FBXO44: variants seen among roughly 807,000 people sequenced by gnomAD.
The protein encoded by FBXO44 is F-box only protein 44.
A neutral mutation model predicts 33.5 loss-of-function variants in FBXO44; 25 were observed. That is an observed-to-expected ratio of 0.75 (90% CI 0.54 to 1.04). The LOEUF is 1.04. Ranked by LOEUF, FBXO44 falls within the 50% of genes least tolerant of loss-of-function variation. The probability of loss-of-function intolerance (pLI) is 0.00; values close to 1 mark genes in which losing one functional copy is unlikely to be tolerated. For missense variants in FBXO44, 311 were observed against 344.0 expected, an observed-to-expected ratio of 0.90 and a Z score of 0.76; for synonymous variants, 147 against 152.8, an observed-to-expected ratio of 0.96 and a Z score of 0.28.
intron 5 of FBXO44, among the ~76,000 whole-genome samples, chr1:11,659,495 T>C (rs1487805002): frequency 6.6e-6 from 1 of 152,208 alleles, no homozygotes; most frequent in African/African-American, 2.4e-5. Context: ...TGTTTGTTTG[T>C]TTGTTTGTTT....
rs770061458 is a variant in FBXO44 at position 11,655,905 on chromosome 1, C to A, written c.70C>A (p.Arg24Ser). The A allele has an allele frequency of 1.6e-5, 26 of 1,613,810 alleles. No homozygotes were observed. In the East Asian group the frequency reaches 5.8e-4, roughly 36 times the overall value. The change falls in exon 2 of 6, where the codon CGC becomes AGC. Residue 24 changes from arginine (R) to serine (S), a missense_variant. Coordinates refer to ENST00000251547, the MANE Select transcript of FBXO44 (RefSeq NM_033182.7). The part of the protein sequence containing the change: ...LLELFTHVPA[R>S]QLLLNCRLVC... ...GGAGCTGTTCACGCACGTGCCCGCC[C>A]GCCAGCTGCTGCTGAACTGCCGCCT...
At chr1:11,657,507 A>G (rs1639885354) in intron 2 of FBXO44, among the ~76,000 whole-genome samples, 1 of 152,212 alleles carries the variant, frequency 6.6e-6, no homozygotes, top group Non-Finnish European at 1.5e-5. Flanking sequence ...TGGGAGGCCA[A>G]GGTGGGTGGA....
chr1:11,655,745 C>T, intron 1 of FBXO44, 61 bp from the exon 2 acceptor site: 1 of 1,528,366 alleles, frequency 6.5e-7, no homozygotes, highest in Non-Finnish European at 8.9e-7. Flanking sequence ...GGAGAGGCAC[C>T]ATGCTCTCCC....
chr1:11,654,665 G>T (rs1449132916), upstream of FBXO44: 1 of 279,902 alleles, frequency 3.6e-6, no homozygotes, highest in African/African-American at 2.2e-5. Context: ...GCTGGGAGGA[G>T]GCGGCTAGGG....
intron 5 of FBXO44, among the ~76,000 whole-genome samples, chr1:11,660,709 T>C (rs546796543): frequency 7.9e-5 from 12 of 152,272 alleles, no homozygotes; most frequent in Admixed American, 5.9e-4. Flanking sequence ...ACTCAGCCCC[T>C]TCCTTGTTCC....
rs1640238209 is a variant in FBXO44, at chr1:11,662,383, G to A, written c.*1110G>A. ...TACAATGGCATGGCTTCTGTCTAAGGTACAGAGGGGTTGGCATTTCAGGAA... is the reference window on the plus strand; with the variant it reads ...TACAATGGCATGGCTTCTGTCTAAGATACAGAGGGGTTGGCATTTCAGGAA... On this transcript the variant is annotated 3_prime_UTR_variant, in exon 6 of 6. Transcript: ENST00000251547. 1 of 152,262 alleles carries A rather than the reference G, an allele frequency of 6.6e-6. No homozygotes were observed. Among genetic ancestry groups the A allele is most frequent in the African/African-American group, 2.4e-5 (1 of 41,456 alleles). 9.4% of individuals were successfully genotyped at this position (152,262 alleles called of 1,614,324 possible). A position where few individuals can be genotyped will look rare whatever the true frequency, so the allele number is the denominator to read the frequency against.
At chr1:11,658,109 C>T (rs753013393) in intron 2 of FBXO44, among the ~76,000 whole-genome samples, 158 bp from the exon 3 acceptor site, 14 of 152,182 alleles carry the variant, frequency 9.2e-5, no homozygotes, top group Non-Finnish European at 1.6e-4. Context: ...ACAGGAAGCA[C>T]CTAATACGCG....
rs1470766412 is a variant in FBXO44, at chr1:11,658,613, T to C, written c.473T>C (p.Ile158Thr). The change falls in exon 4 of 6, where the codon ATC becomes ACC. Residue 158 changes from isoleucine (I) to threonine (T), a missense_variant. Transcript: ENST00000251547. Reference protein sequence around the residue: ...EELMDTTRPDIEVKDWFAARP... With the variant: ...EELMDTTRPDTEVKDWFAARP... The stretch of plus-strand genomic sequence containing the variant: ...CTGATGGATACCACACGGCCGGACA[T>C]CGAGGTCAAGGACTGGTGAGTGCCT... 6.2e-7 allele frequency: 1 copy of C among 1,612,954 alleles called. No homozygotes were observed. The highest frequency in any genetic ancestry group is 1.3e-5 in the African/African-American group (1 of 74,920).
rs1311348305 is a variant in FBXO44, at chr1:11,661,422, T to C, written c.*149T>C. 4 of 1,226,678 alleles carry C rather than the reference T, an allele frequency of 3.3e-6. No homozygotes were observed. The African/African-American group carries it at 6.1e-5, about 19-fold the overall frequency. The allele number at this position is 1,226,678 out of a possible 1,614,324, so 76.0% of individuals were successfully genotyped here. ...GCCTCTTCTTTGTGGAGCCTCTCAGTGTGGGCAGCCCTCGCATGCTGGGGT... is the reference window on the plus strand; with the variant it reads ...GCCTCTTCTTTGTGGAGCCTCTCAGCGTGGGCAGCCCTCGCATGCTGGGGT... On this transcript the variant is annotated 3_prime_UTR_variant, in exon 6 of 6. Coordinates refer to ENST00000251547, the MANE Select transcript of FBXO44 (RefSeq NM_033182.7). The surrounding 1 kb of genome is among the most constrained non-coding windows in gnomAD (Gnocchi z 4.4).
chr1:11,655,866 G>C lies in FBXO44; in HGVS notation c.31G>C (p.Glu11Gln), dbSNP rs1430259795. 6.2e-7 allele frequency: 1 copy of C among 1,613,738 alleles called. No homozygotes were observed. The highest frequency in any genetic ancestry group is 2.2e-5 in the East Asian group (1 of 44,892). MAVGNINELPENILLELFTHV... is the reference protein window; with the variant it reads MAVGNINELPQNILLELFTHV... Reference sequence around the variant, plus strand: ...TGTGGGGAACATCAACGAGCTGCCCGAGAACATCCTGCTGGAGCTGTTCAC... The same window carrying C: ...TGTGGGGAACATCAACGAGCTGCCCCAGAACATCCTGCTGGAGCTGTTCAC... Residue 11 changes from glutamate (E) to glutamine (Q), a missense_variant, in exon 2 of 6, where the codon GAG becomes CAG. Coordinates refer to ENST00000251547, the MANE Select transcript of FBXO44 (RefSeq NM_033182.7).
chr1:11,654,832 G>GCGCGGGA (rs1639651485), upstream of FBXO44: 1 of 148,100 alleles, frequency 6.8e-6, no homozygotes, highest in South Asian at 1.8e-4. Context: ...GCGGGGCGGG[G>GCGCGGGA]CGCGGGGCGC....
intron 5 of FBXO44, 132 bp downstream of exon 5, chr1:11,659,003 TG>T: frequency 2.5e-6 from 3 of 1,205,868 alleles, no homozygotes; most frequent in Non-Finnish European, 3.4e-6. Context: ...CTTCACTCGC[TG>T]TTTCTGTAAA....
At chr1:11,655,509 G>T in intron 1 of FBXO44, 1 of 390,164 alleles carries the variant, frequency 2.6e-6, no homozygotes, top group Non-Finnish European at 4.7e-6. Flanking sequence ...ATTAAAGACT[G>T]GCCTACTGAA....
chr1:11,663,301 A>G lies in FBXO44; in HGVS notation c.*2028A>G, dbSNP rs1254812680. 6.6e-6 allele frequency: 1 copy of G among 152,194 alleles called. No homozygotes were observed. Among genetic ancestry groups the G allele is most frequent in the African/African-American group, 2.4e-5 (1 of 41,448 alleles). The allele number at this position is 152,194 out of a possible 1,614,324, so 9.4% of individuals were successfully genotyped here. The stretch of plus-strand genomic sequence containing the variant: ...CCCAGCCATATGGAACTATAAGTCA[A>G]TTAAACCTCTTTCCTTTTATAAATC... On this transcript the variant is annotated 3_prime_UTR_variant, in exon 6 of 6. Coordinates refer to ENST00000251547, the MANE Select transcript of FBXO44 (RefSeq NM_033182.7).
At chr1:11,657,767 G>C (rs1639903775) in intron 2 of FBXO44, among the ~76,000 whole-genome samples, 1 of 151,836 alleles carries the variant, frequency 6.6e-6, no homozygotes, top group Non-Finnish European at 1.5e-5. Flanking sequence ...AAAAAGATTT[G>C]TGTTTTTAAG....
In FBXO44 at chr1:11,655,925, C is replaced by T. The variant is rs1435644820; in HGVS notation, c.90C>T (p.Cys30=). The T allele has an allele frequency of 6.2e-7, 1 of 1,613,844 alleles. No individual in the cohort carries two copies. The highest frequency in any genetic ancestry group is 1.1e-5 in the South Asian group (1 of 91,092). Residue 30 remains cysteine (C), a synonymous_variant, in exon 2 of 6, where the codon TGC becomes TGT. Coordinates refer to ENST00000251547, the MANE Select transcript of FBXO44 (RefSeq NM_033182.7). ...CCGCCCGCCAGCTGCTGCTGAACTG[C>T]CGCCTGGTCTGCAGCCTCTGGCGGG... ...HVPARQLLLN[C]RLVCSLWRDL...
At position 11,655,815 on chromosome 1, in the gene FBXO44, G is replaced by A. The variant is rs557113828; in HGVS notation, c.-21G>A. The A allele has an allele frequency of 6.2e-7, 1 of 1,610,768 alleles. No homozygotes were observed. The highest frequency in any genetic ancestry group is 1.1e-5 in the South Asian group (1 of 91,044). Reference sequence around the variant, plus strand: ...CATAGCTTTTCAACAGCTACAGGAGGGTGTCCAGAAGCCACAAGCCATGGC... The same window carrying A: ...CATAGCTTTTCAACAGCTACAGGAGAGTGTCCAGAAGCCACAAGCCATGGC... On this transcript the variant is annotated 5_prime_UTR_variant, in exon 2 of 6. Transcript: ENST00000251547.
chr1:11,658,517 C>G lies in FBXO44; in HGVS notation c.393-16C>G. 1.2e-6 allele frequency: 2 copies of G among 1,610,676 alleles called. No individual in the cohort carries two copies. The highest frequency in any genetic ancestry group is 1.7e-6 in the Non-Finnish European group (2 of 1,179,076). The stretch of plus-strand genomic sequence containing the variant: ...GTGGTGAGCCCAGCCCCTCCCACCC[C>G]TCTGCCTGCCCCCAGCACCTGCCTC... On this transcript the variant is annotated splice_polypyrimidine_tract_variant and intron_variant, in intron 3 of 5. Transcript: ENST00000251547.
At chr1:11,654,566 G>C (rs1360177456), upstream of FBXO44, 2 of 385,606 alleles carry the variant, frequency 5.2e-6, no homozygotes, top group African/African-American at 4.2e-5. Flanking sequence ...TCAGCGGACC[G>C]AGGAGGCTGG....
Sources: gnomAD v4.1 joint callset for allele counts (sites outside exome capture counted in the v4.1 genomes callset) on GRCh38, gnomAD v4.1.1 for gene constraint, Gnocchi (gnomAD v3.1) non-coding constraint, MANE v1.5 for transcripts, NCBI Gene and HGNC (gene_info 2026-07-23, HGNC 2026-07-21) for gene names.